SYNGR4: variants seen among roughly 807,000 people sequenced by gnomAD.
SYNGR4 encodes synaptogyrin-4.
SYNGR4 carries 15 observed loss-of-function variants against 15.5 expected under a neutral mutation model. The observed-to-expected ratio is 0.97, with a 90% CI of 0.65 to 1.49. The LOEUF is 1.49. Ranked by LOEUF, SYNGR4 falls within the 40% of genes most tolerant of loss-of-function variation. The pLI is 0.00. For synonymous variants in SYNGR4, 121 were observed against 127.4 expected (o/e 0.95, Z 0.34); for missense variants, 292 against 299.3 (o/e 0.98, Z 0.18).
intron 2 of SYNGR4, among the ~76,000 whole-genome samples, chr19:48,372,660 A>AG (rs1018329497): frequency 3.3e-5 from 5 of 152,056 alleles, no homozygotes; most frequent in Admixed American, 2.6e-4. Context: ...AAAAAAAAAA[A>AG]CAGACGAGAG....
intron 2 of SYNGR4, among the ~76,000 whole-genome samples, chr19:48,367,587 G>A (rs984934665): frequency 4.6e-5 from 7 of 152,118 alleles, no homozygotes; most frequent in African/African-American, 1.7e-4. Context: ...CCACCTCCCA[G>A]TTGAGGGAGG....
At chr19:48,367,106 G>A (rs1482355885) in intron 2 of SYNGR4, among the ~76,000 whole-genome samples, 4 of 151,330 alleles carry the variant, frequency 2.6e-5, no homozygotes, top group South Asian at 2.1e-4. Context: ...CTGCAGCCTC[G>A]GTGACAGAGT....
At chr19:48,372,168 A>G (rs938308875) in intron 2 of SYNGR4, among the ~76,000 whole-genome samples, 4 of 152,044 alleles carry the variant, frequency 2.6e-5, no homozygotes, top group African/African-American at 9.7e-5. Flanking sequence ...TACAGTCATG[A>G]GCCACCTCGC....
intron 3 of SYNGR4, 126 bp from the exon 4 acceptor site, chr19:48,375,487 A>C (rs1346654113): frequency 8.0e-7 from 1 of 1,253,588 alleles, no homozygotes; most frequent in Admixed American, 2.2e-5. Flanking sequence ...CTAATAAAAA[A>C]AGTATTTTTC....
At chr19:48,372,108 C>T (rs909022238) in intron 2 of SYNGR4, among the ~76,000 whole-genome samples, 3 of 152,038 alleles carry the variant, frequency 2.0e-5, no homozygotes, top group Non-Finnish European at 2.9e-5. Flanking sequence ...TGGTCTCAAA[C>T]TCCTGGCCTG....
chr19:48,364,950 C>G (rs1970166880), intron 1 of SYNGR4, among the ~76,000 whole-genome samples: 1 of 151,834 alleles, frequency 6.6e-6, no homozygotes, highest in Non-Finnish European at 1.5e-5. Flanking sequence ...CCCTGACAGC[C>G]CTCTCGCCCA....
chr19:48,369,625 C>G (rs1347864001), intron 2 of SYNGR4, among the ~76,000 whole-genome samples: 1 of 152,236 alleles, frequency 6.6e-6, no homozygotes, highest in Non-Finnish European at 1.5e-5. Context: ...CCAGGCCATA[C>G]AGCTGGCACA....
chr19:48,369,491 A>G (rs570334829), intron 2 of SYNGR4, among the ~76,000 whole-genome samples: 5 of 152,198 alleles, frequency 3.3e-5, no homozygotes, highest in African/African-American at 9.6e-5. Flanking sequence ...CTCTCTGGGC[A>G]AATCACAAGA....
rs752691016 is a variant in SYNGR4, at chr19:48,375,985, C to T, written c.472-100C>T. The stretch of plus-strand genomic sequence containing the variant: ...CCTGGGCAGTGAGCAGTCCAAACAC[C>T]GGTATCTTTTGTCTCCTTCCCAGGC... On this transcript the variant is annotated intron_variant, in intron 4 of 4. Transcript: ENST00000344846. 8.9e-6 allele frequency: 14 copies of T among 1,580,254 alleles called. No individual in the cohort carries two copies. The African/African-American group carries it at 1.1e-4, about 12-fold the overall frequency.
chr19:48,370,342 G>T (rs1456049736), intron 2 of SYNGR4, among the ~76,000 whole-genome samples: 1 of 151,920 alleles, frequency 6.6e-6, no homozygotes, highest in Non-Finnish European at 1.5e-5. Flanking sequence ...TATGAGTGAG[G>T]CATGGTATTT....
chr19:48,373,722 C>G lies in SYNGR4; in HGVS notation c.299C>G (p.Thr100Arg). 1.2e-6 allele frequency: 2 copies of G among 1,614,026 alleles called. No homozygotes were observed. Among genetic ancestry groups the G allele is most frequent in the Non-Finnish European group, 1.7e-6 (2 of 1,180,022 alleles). Reference protein sequence around the residue: ...ETRIAGTRFKTAFQLLDFILA... With the variant: ...ETRIAGTRFKRAFQLLDFILA... ...CGCATTGCCGGCACCCGCTTCAAGA[C>G]AGCCTTCCAGCTCCTGGACTTCATC... The change falls in exon 3 of 5, where the codon ACA (threonine) becomes AGA (arginine). Residue 100 changes from threonine (T) to arginine (R), a missense_variant. Transcript: ENST00000344846.
At chr19:48,375,175 G>A (rs1315028576) in intron 3 of SYNGR4, among the ~76,000 whole-genome samples, 4 of 151,690 alleles carry the variant, frequency 2.6e-5, no homozygotes, top group Admixed American at 6.6e-5. Context: ...ACAGGTGCCC[G>A]CCACCGTGCT....
At chr19:48,368,623 A>C (rs1003379549) in intron 2 of SYNGR4, among the ~76,000 whole-genome samples, 2 of 151,504 alleles carry the variant, frequency 1.3e-5, no homozygotes, top group Non-Finnish European at 1.5e-5. Flanking sequence ...CAAATGATCC[A>C]CCCGCCTCGG....
At chr19:48,368,196 C>T (rs1192929366) in intron 2 of SYNGR4, among the ~76,000 whole-genome samples, 1 of 152,182 alleles carries the variant, frequency 6.6e-6, no homozygotes, top group African/African-American at 2.4e-5. Context: ...GCCTGGTCAC[C>T]CTGTGTCCGT....
At chr19:48,372,422 G>A (rs1569046018) in intron 2 of SYNGR4, among the ~76,000 whole-genome samples, 1 of 151,944 alleles carries the variant, frequency 6.6e-6, no homozygotes, top group Non-Finnish European at 1.5e-5. Flanking sequence ...AAGGCAGGCG[G>A]ATCACGAGGT....
intron 4 of SYNGR4, 53 bp downstream of exon 4, chr19:48,375,805 T>C (rs1970393490): frequency 2.5e-6 from 4 of 1,588,346 alleles, no homozygotes; most frequent in Non-Finnish European, 1.7e-6. Context: ...CTCTGCAGGG[T>C]GGGGTTGAAA....
intron 4 of SYNGR4, 133 bp downstream of exon 4, chr19:48,375,885 A>G (rs1970394724): frequency 2.6e-6 from 4 of 1,519,190 alleles, no homozygotes; most frequent in Non-Finnish European, 3.5e-6. Context: ...CCAGGACTCC[A>G]CTGGTCCCTT....
At chr19:48,365,698 GC>G in intron 1 of SYNGR4, 37 bp from the exon 2 acceptor site, 1 of 408,130 alleles carries the variant, frequency 2.5e-6, no homozygotes, top group South Asian at 3.9e-5. Context: ...TCCACCCCGT[GC>G]CCCTGACTGG....
chr19:48,366,613 C>A (rs1268737062), intron 2 of SYNGR4, among the ~76,000 whole-genome samples: 4 of 151,046 alleles, frequency 2.6e-5, no homozygotes, highest in Admixed American at 6.6e-5. Context: ...GCCATGTTGG[C>A]CAGGCTGGCC....
Sources: gnomAD v4.1 joint callset for allele counts (sites outside exome capture counted in the v4.1 genomes callset) on GRCh38, gnomAD v4.1.1 for gene constraint, MANE v1.5 for transcripts, NCBI Gene and HGNC (gene_info 2026-07-23, HGNC 2026-07-21) for gene names.